Variants in OTULINL observed in about 807,000 individuals in gnomAD.
OTULINL encodes OTU deubiquitinase with linear linkage specificity like, also known as inactive ubiquitin thioesterase OTULINL.
Under a neutral mutation model 43.9 loss-of-function variants are expected in OTULINL, and 42 were observed. The observed-to-expected ratio is 0.96, with a 90% confidence interval of 0.75 to 1.24. The LOEUF is 1.24. Among genes scored for constraint, OTULINL ranks in the 50% most tolerant of loss-of-function variants. The pLI is 0.00. For missense variants in OTULINL, 411 were observed against 426.4 expected (o/e 0.96, Z 0.32); for synonymous variants, 172 against 153.6 (o/e 1.12, Z -0.88).
At chr5:14,583,081 T>G (rs1238792415) in intron 1 of OTULINL, among the ~76,000 whole-genome samples, 2 of 152,156 alleles carry the variant, frequency 1.3e-5, no homozygotes, top group African/African-American at 4.8e-5. Context: ...CTGCAGTGAT[T>G]ATGGCAAATT....
Position 14,615,634 on chromosome 5 carries a change from T to C in OTULINL, c.*5320T>C, listed in dbSNP as rs1398870538. Among the ~76,000 whole-genome samples, 1 of 152,170 alleles carries C rather than the reference T, an allele frequency of 6.6e-6. No individual in the cohort carries two copies. Among genetic ancestry groups the C allele is most frequent in the Non-Finnish European group, 1.5e-5 (1 of 68,030 alleles). ...TCATTGTGGGTAAGTAGAACAAATA[T>C]TTACATCTGTTATGAAAAGCTACCT... On this transcript the variant is annotated 3_prime_UTR_variant, in exon 8 of 8. Coordinates refer to ENST00000274217, the MANE Select transcript of OTULINL (RefSeq NM_019018.3).
rs917691649 is a variant in OTULINL, at chr5:14,611,841, A to G, written c.*1527A>G. On this transcript the variant is annotated 3_prime_UTR_variant, in exon 8 of 8. Transcript: ENST00000274217. ...GAATGACTTACTTCACGAGATATTT[A>G]GCACTATCATTTTCCCAGATGTTCA... 1 of 152,230 alleles carries G rather than the reference A, an allele frequency of 6.6e-6. No homozygotes were observed. The highest frequency in any genetic ancestry group is 2.4e-5 in the African/African-American group (1 of 41,452). The allele number at this position is 152,230 out of a possible 1,614,324, so 9.4% of individuals were successfully genotyped here.
At chr5:14,607,013 G>C (rs31973) in intron 5 of OTULINL, among the ~76,000 whole-genome samples, 142,299 of 152,262 alleles carry the variant, frequency 0.93, 66,642 homozygotes, top group African/African-American at 0.98. Flanking sequence ...CAGATTGCTT[G>C]AGGTCAGGAG....
At chr5:14,599,795 G>A (rs951910886) in intron 1 of OTULINL, among the ~76,000 whole-genome samples, 6 of 152,190 alleles carry the variant, frequency 3.9e-5, no homozygotes, top group East Asian at 1.9e-4. Context: ...AATATTACAA[G>A]TGCACTGTTT....
chr5:14,593,488 C>G (rs1759238071), intron 1 of OTULINL, among the ~76,000 whole-genome samples: 1 of 152,192 alleles, frequency 6.6e-6, no homozygotes, highest in Non-Finnish European at 1.5e-5. Context: ...TGAGTTGTCT[C>G]TCCCAGGCTG....
At chr5:14,607,880 G>A (rs1157927249) in intron 6 of OTULINL, among the ~76,000 whole-genome samples, 4 of 152,186 alleles carry the variant, frequency 2.6e-5, no homozygotes, top group Non-Finnish European at 5.9e-5. Context: ...GATTTTGGAT[G>A]ATTGAAATGA....
intron 1 of OTULINL, 126 bp from the exon 2 acceptor site, chr5:14,600,838 AT>A (rs1281256828): frequency 1.2e-6 from 1 of 847,790 alleles, no homozygotes; most frequent in Non-Finnish European, 1.6e-6. Flanking sequence ...AAAAATATTT[AT>A]GTAAATCAGT....
At chr5:14,600,005 A>C (rs1759356084) in intron 1 of OTULINL, among the ~76,000 whole-genome samples, 1 of 152,214 alleles carries the variant, frequency 6.6e-6, no homozygotes, top group South Asian at 2.1e-4. Context: ...AATGTTTCAA[A>C]AATATATAAA....
At chr5:14,600,841 TA>T in intron 1 of OTULINL, 123 bp from the exon 2 acceptor site, 1 of 859,760 alleles carries the variant, frequency 1.2e-6, no homozygotes, top group Non-Finnish European at 1.6e-6. Flanking sequence ...AATATTTATG[TA>T]AATCAGTGAT....
intron 5 of OTULINL, among the ~76,000 whole-genome samples, chr5:14,606,671 A>C (rs1759483441): frequency 6.6e-6 from 1 of 152,200 alleles, no homozygotes; most frequent in Admixed American, 6.5e-5. Context: ...TGAGCCACAG[A>C]GTGCATCATT....
chr5:14,592,252 A>G (rs1266291952), intron 1 of OTULINL, among the ~76,000 whole-genome samples: 1 of 152,076 alleles, frequency 6.6e-6, no homozygotes, highest in Admixed American at 6.5e-5. Context: ...CCACGAAGAG[A>G]CTCCCCAAAG....
chr5:14,601,300 A>G, intron 3 of OTULINL, 51 bp from the exon 4 acceptor site: 2 of 1,610,280 alleles, frequency 1.2e-6, no homozygotes, highest in South Asian at 2.2e-5. Context: ...AGGGTTCAAG[A>G]AGGGAGAAGA....
Position 14,612,779 on chromosome 5 carries a change from T to C in OTULINL, c.*2465T>C, listed in dbSNP as rs1310494405. On this transcript the variant is annotated 3_prime_UTR_variant, in exon 8 of 8. Transcript: ENST00000274217. ...GAGAACTATAGCAAAAATGGAAACATAATGCCCTCGTCGTTTTTTGATTTT... is the reference window on the plus strand; with the variant it reads ...GAGAACTATAGCAAAAATGGAAACACAATGCCCTCGTCGTTTTTTGATTTT... 1 of 152,190 alleles carries C rather than the reference T, an allele frequency of 6.6e-6. No individual in the cohort carries two copies. Among genetic ancestry groups the C allele is most frequent in the Non-Finnish European group, 1.5e-5 (1 of 68,018 alleles). The allele number at this position is 152,190 out of a possible 1,614,324, so 9.4% of individuals were successfully genotyped here.
At chr5:14,592,443 GACTTCT>G (rs1759220645) in intron 1 of OTULINL, among the ~76,000 whole-genome samples, 7 of 152,184 alleles carry the variant, frequency 4.6e-5, no homozygotes, top group Admixed American at 4.6e-4. Context: ...TTCAAGTTCA[GACTTCT>G]ACTTCTTTTC....
Position 14,610,259 on chromosome 5 carries a change from C to CGGAGAT in OTULINL, c.1017_1022dup (p.Glu340_Ile341insMetGlu), listed in dbSNP as rs771864678. ...CCAGAGGAGCCTCTCAGGGACTGGC[C>CGGAGAT]GGAGATCTCCCTGCTGACCGAGAAC... On this transcript the variant is annotated inframe_insertion, in exon 8 of 8. Coordinates refer to ENST00000274217, the MANE Select transcript of OTULINL (RefSeq NM_019018.3). 6.2e-7 allele frequency: 1 copy of CGGAGAT among 1,613,738 alleles called. No homozygotes were observed. Among genetic ancestry groups the CGGAGAT allele is most frequent in the Non-Finnish European group, 8.5e-7 (1 of 1,180,006 alleles).
Position 14,611,269 on chromosome 5 carries a change from T to C in OTULINL, c.*955T>C, listed in dbSNP as rs950784598. 1.3e-5 allele frequency: 2 copies of C among 152,088 alleles called. No homozygotes were observed. The highest frequency in any genetic ancestry group is 2.4e-5 in the African/African-American group (1 of 41,396). 9.4% of individuals were successfully genotyped at this position (152,088 alleles called of 1,614,324 possible). On this transcript the variant is annotated 3_prime_UTR_variant, in exon 8 of 8. Coordinates refer to ENST00000274217, the MANE Select transcript of OTULINL (RefSeq NM_019018.3). ...ATCCAATGATGCTGAAATAGGGAGATTTTTCTAGATTCTCCAGGTGGACGC... is the reference window on the plus strand; with the variant it reads ...ATCCAATGATGCTGAAATAGGGAGACTTTTCTAGATTCTCCAGGTGGACGC...
chr5:14,600,922 TTGTGA>T, intron 1 of OTULINL, 38 bp from the exon 2 acceptor site: 1 of 1,377,492 alleles, frequency 7.3e-7, no homozygotes. Flanking sequence ...ACTTGTGTAA[TTGTGA>T]TGTGCTTTTT....
intron 5 of OTULINL, among the ~76,000 whole-genome samples, chr5:14,605,313 A>G (rs1053728539): frequency 6.8e-6 from 1 of 147,288 alleles, no homozygotes; most frequent in African/African-American, 2.5e-5. Flanking sequence ...GCAGAGCACC[A>G]AGTCCCCAGA....
In OTULINL at chr5:14,602,644, C is replaced by G. The variant is rs530324357; in HGVS notation, c.498+312C>G. 1.6e-4 allele frequency among the ~76,000 whole-genome samples: 25 copies of G among 152,202 alleles called. No individual in the cohort carries two copies. The South Asian group carries it at 2.1e-3, about 13-fold the overall frequency. ...TAGAGACAGGGTTTTCCGTGTTGCCCAGGCTGGTCTTGAACTTCTGGGCTC... is the reference window on the plus strand; with the variant it reads ...TAGAGACAGGGTTTTCCGTGTTGCCGAGGCTGGTCTTGAACTTCTGGGCTC... On this transcript the variant is annotated intron_variant, in intron 5 of 7. Coordinates refer to ENST00000274217, the MANE Select transcript of OTULINL (RefSeq NM_019018.3).
Sources: gnomAD v4.1 joint callset for allele counts (sites outside exome capture counted in the v4.1 genomes callset) on GRCh38, gnomAD v4.1.1 for gene constraint, MANE v1.5 for transcripts, NCBI Gene and HGNC (gene_info 2026-07-23, HGNC 2026-07-21) for gene names.